DNER: variants seen among roughly 807,000 people sequenced by gnomAD.
DNER encodes the protein delta and Notch-like epidermal growth factor-related receptor.
DNER carries 33 observed loss-of-function variants against 78.2 expected under a neutral mutation model. That is an observed-to-expected ratio of 0.42 (90% CI 0.32 to 0.56). DNER has a LOEUF of 0.56. Ranked by LOEUF, DNER falls within the 20% of genes least tolerant of loss-of-function variation. DNER has a pLI of 0.11. For synonymous variants in DNER, 417 were observed against 384.8 expected, an observed-to-expected ratio of 1.08 and a Z score of -0.98; for missense variants, 918 against 975.3, an observed-to-expected ratio of 0.94 and a Z score of 0.78.
At chr2:229,535,585 C>T (rs1161375071) in intron 5 of DNER, among the ~76,000 whole-genome samples, 1 of 152,136 alleles carries the variant, frequency 6.6e-6, no homozygotes, top group Admixed American at 6.5e-5. Context: ...ACACATGTAA[C>T]TGGTCACTCA....
intron 5 of DNER, among the ~76,000 whole-genome samples, chr2:229,536,697 T>G (rs1424726443): frequency 6.6e-6 from 1 of 152,246 alleles, no homozygotes; most frequent in African/African-American, 2.4e-5. Context: ...TATTTCTATA[T>G]GTTAAACATT....
At chr2:229,642,860 G>C in intron 1 of DNER, among the ~76,000 whole-genome samples, 1 of 152,168 alleles carries the variant, frequency 6.6e-6, no homozygotes. Flanking sequence ...AATGTAGTGA[G>C]AGCATTACTT....
At chr2:229,391,607 T>C (rs113278571) in intron 10 of DNER, among the ~76,000 whole-genome samples, 4,465 of 152,262 alleles carry the variant, frequency 0.029, 94 homozygotes, top group African/African-American at 0.059. Flanking sequence ...AGTGGCACAA[T>C]CTCGGCTCAC....
At chr2:229,430,709 C>T (rs1315214511) in intron 8 of DNER, among the ~76,000 whole-genome samples, 2 of 104,426 alleles carry the variant, frequency 1.9e-5, no homozygotes, top group Non-Finnish European at 2.3e-5. Flanking sequence ...TATATATATT[C>T]CATTAATTCT....
chr2:229,611,728 G>T (rs1212485764), intron 1 of DNER, among the ~76,000 whole-genome samples: 1 of 152,210 alleles, frequency 6.6e-6, no homozygotes, highest in Non-Finnish European at 1.5e-5. Context: ...TTAGATGCAG[G>T]TTTAGGGTCC....
At chr2:229,599,447 T>C (rs1229692669) in intron 1 of DNER, among the ~76,000 whole-genome samples, 1 of 149,698 alleles carries the variant, frequency 6.7e-6, no homozygotes, top group East Asian at 2.0e-4. Flanking sequence ...ATTTTTTTTA[T>C]CACTGGGGGC....
In DNER at chr2:229,629,942, C is replaced by T. The variant is rs142433780; in HGVS notation, c.277-38054G>A. ...ACACAATATTAGAAGGTTATTATGA[C>T]TGGCAGAAAATATGTCTCAAATTAG... On this transcript the variant is annotated intron_variant, in intron 1 of 12. Transcript: ENST00000341772. Among the ~76,000 whole-genome samples, 121 of 152,334 alleles carry T rather than the reference C, an allele frequency of 7.9e-4. 1 individual carries two copies. Among genetic ancestry groups the T allele is most frequent in the African/African-American group, 2.6e-3 (108 of 41,582 alleles).
At chr2:229,531,091 T>C (rs1174299260) in intron 5 of DNER, among the ~76,000 whole-genome samples, 1 of 152,108 alleles carries the variant, frequency 6.6e-6, no homozygotes, top group African/African-American at 2.4e-5. Context: ...CTAGAAACAA[T>C]CCAAACTTCT....
intron 1 of DNER, among the ~76,000 whole-genome samples, chr2:229,703,474 G>A (rs1699782554): frequency 6.6e-6 from 1 of 152,144 alleles, no homozygotes; most frequent in African/African-American, 2.4e-5. Context: ...TGTGGCCTTG[G>A]GTTAGGCAAA....
At chr2:229,451,916 T>C (rs1030336920) in intron 7 of DNER, among the ~76,000 whole-genome samples, 1 of 152,116 alleles carries the variant, frequency 6.6e-6, no homozygotes, top group Non-Finnish European at 1.5e-5. Context: ...TAAATAGTAA[T>C]ATAAGCCACA....
At chr2:229,628,678 T>C (rs1041218949) in intron 1 of DNER, among the ~76,000 whole-genome samples, 4 of 152,114 alleles carry the variant, frequency 2.6e-5, no homozygotes, top group African/African-American at 9.7e-5. Context: ...ATGGTAACGC[T>C]ACAGAGAGGA....
chr2:229,600,682 A>G (rs13019732), intron 1 of DNER, among the ~76,000 whole-genome samples: 2 of 152,226 alleles, frequency 1.3e-5, no homozygotes, highest in Non-Finnish European at 2.9e-5. Context: ...AAGCAAGAAC[A>G]CAATGAAGGG....
chr2:229,539,852 C>T (rs1696478473), intron 5 of DNER, among the ~76,000 whole-genome samples: 1 of 152,126 alleles, frequency 6.6e-6, no homozygotes. Flanking sequence ...GCAAACCTCT[C>T]CCACAGCACA....
chr2:229,560,924 A>G (rs1015275803), intron 4 of DNER, among the ~76,000 whole-genome samples: 1 of 152,214 alleles, frequency 6.6e-6, no homozygotes, highest in African/African-American at 2.4e-5. Context: ...CCCATGGACT[A>G]TCACAATTAT....
chr2:229,468,876 T>C (rs545016620), intron 7 of DNER, among the ~76,000 whole-genome samples: 1 of 152,132 alleles, frequency 6.6e-6, no homozygotes, highest in South Asian at 2.1e-4. Flanking sequence ...ATTCTGAATA[T>C]GAACTCTCCC....
intron 1 of DNER, among the ~76,000 whole-genome samples, chr2:229,710,309 T>C (rs1185899075): frequency 6.6e-6 from 1 of 152,224 alleles, no homozygotes; most frequent in Non-Finnish European, 1.5e-5. Context: ...ATTGTAACTA[T>C]GACAGGTCCA....
intron 8 of DNER, among the ~76,000 whole-genome samples, chr2:229,428,723 T>C (rs1693938681): frequency 1.3e-5 from 2 of 151,834 alleles, no homozygotes; most frequent in Non-Finnish European, 2.9e-5. Flanking sequence ...AATCTGACTA[T>C]ATAGCCAAGC....
chr2:229,473,502 G>T (rs1006579213), intron 7 of DNER, among the ~76,000 whole-genome samples: 5 of 152,174 alleles, frequency 3.3e-5, no homozygotes, highest in Non-Finnish European at 5.9e-5. Context: ...AATATTAACA[G>T]TGTGTGCTTC....
chr2:229,588,607 C>T (rs935656606), intron 2 of DNER, 119 bp from the exon 3 acceptor site: 4 of 754,440 alleles, frequency 5.3e-6, no homozygotes, highest in African/African-American at 3.5e-5. Flanking sequence ...GGGGGTAGGG[C>T]TAGAGAGGAG....
Sources: gnomAD v4.1 joint callset for allele counts (sites outside exome capture counted in the v4.1 genomes callset) on GRCh38, gnomAD v4.1.1 for gene constraint, MANE v1.5 for transcripts, NCBI Gene and HGNC (gene_info 2026-07-23, HGNC 2026-07-21) for gene names.